Variants in ATP8A1 observed in about 807,000 individuals in gnomAD.
ATP8A1 encodes phospholipid-transporting ATPase IA.
A neutral mutation model predicts 177.7 loss-of-function variants in ATP8A1; 90 were observed. The observed-to-expected ratio is 0.51, with a 90% CI of 0.43 to 0.60. The LOEUF (loss-of-function observed/expected upper bound fraction) is 0.60, where lower values mean the gene tolerates loss of function less well. Ranked by LOEUF, ATP8A1 falls within the 20% of genes least tolerant of loss-of-function variation. The probability of loss-of-function intolerance (pLI) is 0.00; values close to 1 mark genes in which losing one functional copy is unlikely to be tolerated. For synonymous variants in ATP8A1, 493 were observed against 485.9 expected, an observed-to-expected ratio of 1.01 and a Z score of -0.19; for missense variants, 1,072 against 1,392.8, an observed-to-expected ratio of 0.77 and a Z score of 3.67.
chr4:42,475,387 A>G (rs533710747), intron 25 of ATP8A1, among the ~76,000 whole-genome samples: 1 of 152,130 alleles, frequency 6.6e-6, no homozygotes, highest in South Asian at 2.1e-4. Context: ...ATTGTTAACC[A>G]CTATATTATA....
At chr4:42,521,724 T>G (rs1193146799) in intron 22 of ATP8A1, among the ~76,000 whole-genome samples, 1 of 152,250 alleles carries the variant, frequency 6.6e-6, no homozygotes, top group African/African-American at 2.4e-5. Context: ...AAGCACTGGA[T>G]TACTCTCATA....
chr4:42,641,263 G>A (rs1188777522), intron 1 of ATP8A1, among the ~76,000 whole-genome samples: 3 of 152,062 alleles, frequency 2.0e-5, no homozygotes, highest in African/African-American at 7.2e-5. Context: ...AATACAATAT[G>A]GGAGACACCT....
intron 25 of ATP8A1, among the ~76,000 whole-genome samples, chr4:42,465,405 C>A (rs1719626266): frequency 6.6e-6 from 1 of 152,184 alleles, no homozygotes. Context: ...AAATTAAAAA[C>A]AATGTCATAA....
At position 42,656,925 on chromosome 4, in the gene ATP8A1, G is replaced by C. The variant is rs1326183542; in HGVS notation, c.-52C>G. The C allele has an allele frequency of 6.7e-7, 1 of 1,483,128 alleles. No homozygotes were observed. Among genetic ancestry groups the C allele is most frequent in the East Asian group, 2.8e-5 (1 of 36,184 alleles). The allele number at this position is 1,483,128 out of a possible 1,614,324, so 91.9% of individuals were successfully genotyped here. ...CAGCCCGGACTCTGCACCTGTCACG[G>C]CGTGGTACACGCGGGAGACCCGGCT... On this transcript the variant is annotated 5_prime_UTR_variant, in exon 1 of 37. Transcript: ENST00000381668.
chr4:42,418,762 C>T (rs907851864), intron 35 of ATP8A1, among the ~76,000 whole-genome samples: 2 of 152,006 alleles, frequency 1.3e-5, no homozygotes, highest in African/African-American at 2.4e-5. Flanking sequence ...CATATTTTTC[C>T]CCTAAAATGT....
At chr4:42,452,888 C>G (rs1718081575) in intron 29 of ATP8A1, among the ~76,000 whole-genome samples, 1 of 152,186 alleles carries the variant, frequency 6.6e-6, no homozygotes, top group Non-Finnish European at 1.5e-5. Context: ...TAGTTTTAAG[C>G]TGTTCAAACA....
chr4:42,495,309 C>A (rs1340975013), intron 24 of ATP8A1, among the ~76,000 whole-genome samples: 1 of 152,202 alleles, frequency 6.6e-6, no homozygotes, highest in East Asian at 1.9e-4. Context: ...TGAGTTATGG[C>A]TCCCATAATA....
At chr4:42,562,600 C>A (rs1012647449) in intron 15 of ATP8A1, among the ~76,000 whole-genome samples, 5 of 152,050 alleles carry the variant, frequency 3.3e-5, no homozygotes, top group Non-Finnish European at 7.4e-5. Flanking sequence ...TGGTTTTGAC[C>A]AAAGTAATGA....
At chr4:42,615,466 T>C (rs1178775597) in intron 5 of ATP8A1, among the ~76,000 whole-genome samples, 8 of 152,210 alleles carry the variant, frequency 5.3e-5, no homozygotes, top group African/African-American at 1.9e-4. Context: ...AAAAAAATCT[T>C]AGAGCATGAT....
chr4:42,541,735 A>C (rs533506309), intron 20 of ATP8A1, among the ~76,000 whole-genome samples: 4 of 152,316 alleles, frequency 2.6e-5, no homozygotes, highest in Non-Finnish European at 5.9e-5. Context: ...GGAACCTTAA[A>C]TGAATATTAC....
At chr4:42,476,329 G>A (rs1474679459) in intron 25 of ATP8A1, among the ~76,000 whole-genome samples, 1 of 152,136 alleles carries the variant, frequency 6.6e-6, no homozygotes, top group Non-Finnish European at 1.5e-5. Context: ...GTTAACAGAA[G>A]AGGCGGGGTG....
chr4:42,428,881 T>C (rs1445259260), intron 33 of ATP8A1, among the ~76,000 whole-genome samples: 1 of 152,176 alleles, frequency 6.6e-6, no homozygotes, highest in African/African-American at 2.4e-5. Context: ...CCTTCAATTT[T>C]CCTTTCTTAG....
chr4:42,510,104 C>T (rs1483701595), intron 22 of ATP8A1, among the ~76,000 whole-genome samples: 1 of 152,070 alleles, frequency 6.6e-6, no homozygotes. Context: ...GACCAAAATC[C>T]AGAAATTACA....
intron 1 of ATP8A1, among the ~76,000 whole-genome samples, chr4:42,637,923 A>G (rs1418833236): frequency 6.6e-6 from 1 of 152,242 alleles, no homozygotes; most frequent in Non-Finnish European, 1.5e-5. Flanking sequence ...AGACCATCAT[A>G]CATCTGACAC....
intron 33 of ATP8A1, among the ~76,000 whole-genome samples, chr4:42,428,427 G>T (rs1714875788): frequency 6.6e-6 from 1 of 152,198 alleles, no homozygotes; most frequent in Non-Finnish European, 1.5e-5. Flanking sequence ...AGAAACCTGG[G>T]CCCTATTCCT....
At chr4:42,636,658 G>A (rs1372306199) in intron 1 of ATP8A1, among the ~76,000 whole-genome samples, 1 of 152,176 alleles carries the variant, frequency 6.6e-6, no homozygotes, top group East Asian at 1.9e-4. Flanking sequence ...TGTACCGAGT[G>A]TTAATGCAGA....
At chr4:42,415,828 C>A (rs1713183831) in intron 35 of ATP8A1, among the ~76,000 whole-genome samples, 1 of 152,090 alleles carries the variant, frequency 6.6e-6, no homozygotes, top group African/African-American at 2.4e-5. Flanking sequence ...AAAAAGGATC[C>A]TCTGCAAAAT....
Position 42,443,599 on chromosome 4 carries a change from G to A in ATP8A1, c.3089C>T (p.Pro1030Leu). Residue 1030 changes from proline (P) to leucine (L), a missense_variant, in exon 33 of 37, where the codon CCT becomes CTT. This residue lies in a region of ATP8A1 where 316 missense variants were observed against 459.1 expected (regional missense o/e 0.69). Transcript: ENST00000381668. ...CATATCAGGGGCCATCGGAATGGCA[G>A]GCCACAGAGATGAGTAGATTCCAAA... ...VFFGIYSSLW[P>L]AIPMAPDMSG... is the part of the protein sequence containing the mutation. The A allele has an allele frequency of 6.6e-7, 1 of 1,516,068 alleles. No individual in the cohort carries two copies. 93.9% of individuals were successfully genotyped at this position (1,516,068 alleles called of 1,614,324 possible).
At chr4:42,520,061 G>T (rs1486876244) in intron 22 of ATP8A1, among the ~76,000 whole-genome samples, 1 of 152,128 alleles carries the variant, frequency 6.6e-6, no homozygotes. Flanking sequence ...GCTGGAGGTT[G>T]CAAGGCTTTT....
Sources: gnomAD v4.1 joint callset for allele counts (sites outside exome capture counted in the v4.1 genomes callset) on GRCh38, gnomAD v4.1.1 for gene constraint, gnomAD v4.1.1 regional missense constraint, MANE v1.5 for transcripts, NCBI Gene and HGNC (gene_info 2026-07-23, HGNC 2026-07-21) for gene names.